The following SCLT1 variants were observed in gnomAD, a reference collection of about 807,000 sequenced individuals.
SCLT1 encodes sodium channel and clathrin linker 1.
SCLT1 carries 78 observed loss-of-function variants against 112.8 expected under a neutral mutation model. The observed-to-expected ratio is 0.69, with a 90% CI of 0.58 to 0.83. The LOEUF (loss-of-function observed/expected upper bound fraction) is 0.83, where lower values mean the gene tolerates loss of function less well. SCLT1 is among the 40% of genes least tolerant of loss of function. SCLT1 has a pLI of 0.00. For missense variants in SCLT1, 747 were observed against 770.4 expected, an observed-to-expected ratio of 0.97 and a Z score of 0.36; for synonymous variants, 257 against 254.7, an observed-to-expected ratio of 1.01 and a Z score of -0.09.
At chr4:129,051,386 T>C (rs1296042604) in intron 2 of SCLT1, among the ~76,000 whole-genome samples, 1 of 152,230 alleles carries the variant, frequency 6.6e-6, no homozygotes, top group Admixed American at 6.5e-5. Context: ...TTGGTTTGTG[T>C]CCTCTCTTAT....
At chr4:128,948,628 G>T in intron 14 of SCLT1, 58 bp from the exon 15 acceptor site, 2 of 1,240,532 alleles carry the variant, frequency 1.6e-6, no homozygotes, top group Non-Finnish European at 1.2e-6. Flanking sequence ...AAGAAAAGTG[G>T]GGAAAAATTA....
chr4:128,893,240 A>T (rs1733467281), intron 18 of SCLT1, among the ~76,000 whole-genome samples: 1 of 152,242 alleles, frequency 6.6e-6, no homozygotes, highest in Non-Finnish European at 1.5e-5. Context: ...ATGGATAGTA[A>T]TGATTTTCCA....
At chr4:128,880,207 C>T (rs991552357), downstream of SCLT1, among the ~76,000 whole-genome samples, 2 of 152,148 alleles carry the variant, frequency 1.3e-5, no homozygotes, top group African/African-American at 4.8e-5. Flanking sequence ...AGATTAAAAA[C>T]GGGTTGAATT....
At position 128,972,969 on chromosome 4, in the gene SCLT1, G is replaced by A. The variant is rs981124857; in HGVS notation, c.687-2501C>T. ...GCCAGTCAACATCTAGCCTCAAAGA[G>A]TCTCATCTCTTGCCAATTACCCCCA... On this transcript the variant is annotated intron_variant, in intron 9 of 20. Transcript: ENST00000281142. Among the ~76,000 whole-genome samples, 5 of 152,230 alleles carry A rather than the reference G, an allele frequency of 3.3e-5. No individual in the cohort carries two copies. In the East Asian group the frequency reaches 7.7e-4, roughly 24 times the overall value.
chr4:129,033,894 C>T (rs1746963342), intron 5 of SCLT1, among the ~76,000 whole-genome samples: 1 of 152,094 alleles, frequency 6.6e-6, no homozygotes, highest in South Asian at 2.1e-4. Flanking sequence ...TTAGTTCTGG[C>T]TTTTCACGAG....
intron 9 of SCLT1, among the ~76,000 whole-genome samples, 164 bp downstream of exon 9, chr4:128,992,003 T>A (rs1263364798): frequency 6.6e-6 from 1 of 151,836 alleles, no homozygotes; most frequent in Non-Finnish European, 1.5e-5. Flanking sequence ...TAATCTTGAT[T>A]TCAGTTTCTT....
At chr4:129,066,665 G>A (rs542451747) in intron 2 of SCLT1, among the ~76,000 whole-genome samples, 2 of 152,082 alleles carry the variant, frequency 1.3e-5, no homozygotes, top group East Asian at 3.9e-4. Flanking sequence ...ATACATTTTG[G>A]TATAGTAATA....
intron 6 of SCLT1, 138 bp from the exon 7 acceptor site, chr4:128,999,932 G>T: frequency 2.3e-6 from 1 of 439,430 alleles, no homozygotes; most frequent in South Asian, 9.9e-5. Context: ...TGGTATTATA[G>T]TTATATTTTT....
chr4:128,898,762 T>C (rs1021579651), intron 18 of SCLT1, among the ~76,000 whole-genome samples: 4 of 151,918 alleles, frequency 2.6e-5, no homozygotes, highest in Admixed American at 2.6e-4. Flanking sequence ...ATCAACAAAA[T>C]TGATAGACCG....
At chr4:128,888,815 T>G in intron 19 of SCLT1, 41 bp from the exon 20 acceptor site, 2 of 1,203,744 alleles carry the variant, frequency 1.7e-6, no homozygotes, top group Non-Finnish European at 2.4e-6. Flanking sequence ...AATCCATATG[T>G]GACATGGAGA....
chr4:129,089,499 A>C lies in SCLT1; in HGVS notation c.34+3571T>G, dbSNP rs538013187. Among the ~76,000 whole-genome samples the C allele has an allele frequency of 2.1e-4, 32 of 152,318 alleles. No homozygotes were observed. The South Asian group carries it at 6.6e-3, about 32-fold the overall frequency. ...AACCAGAAATACCATTTGACCCAGC[A>C]ATCCCATTACTGGGTATATACCCAA... is the stretch of plus-strand genomic sequence containing the variant. On this transcript the variant is annotated intron_variant, in intron 1 of 20. Coordinates refer to ENST00000281142, the MANE Select transcript of SCLT1 (RefSeq NM_144643.4).
intron 2 of SCLT1, among the ~76,000 whole-genome samples, chr4:129,061,535 C>T (rs188659685): frequency 7.8e-4 from 119 of 152,248 alleles, no homozygotes; most frequent in Middle Eastern, 3.4e-3. Flanking sequence ...GGTCTAAACA[C>T]CATTTTGCTA....
At chr4:129,057,409 C>CTTTTTTTTTT (rs35098310) in intron 2 of SCLT1, among the ~76,000 whole-genome samples, 1 of 132,604 alleles carries the variant, frequency 7.5e-6, no homozygotes. Flanking sequence ...TAATATTATT[C>CTTTTTTTTTT]TTTTTTTTTT....
At chr4:129,045,123 T>A (rs1049966027) in intron 2 of SCLT1, among the ~76,000 whole-genome samples, 6 of 152,072 alleles carry the variant, frequency 3.9e-5, no homozygotes, top group Non-Finnish European at 7.4e-5. Flanking sequence ...AATCCAAATG[T>A]TGTTAAAATT....
intron 11 of SCLT1, among the ~76,000 whole-genome samples, chr4:128,964,706 C>G (rs1012247197): frequency 2.6e-5 from 4 of 152,068 alleles, no homozygotes; most frequent in African/African-American, 7.2e-5. Context: ...TGCAGAAGTA[C>G]AGAATTATAG....
chr4:129,063,387 A>G (rs540075038), intron 2 of SCLT1, among the ~76,000 whole-genome samples: 3 of 152,326 alleles, frequency 2.0e-5, no homozygotes, highest in African/African-American at 4.8e-5. Flanking sequence ...GAGAATTCCT[A>G]AGACTATATG....
chr4:128,982,911 G>A (rs191246646), intron 9 of SCLT1, among the ~76,000 whole-genome samples: 4 of 150,916 alleles, frequency 2.7e-5, no homozygotes, highest in Non-Finnish European at 4.4e-5. Context: ...TGTTTGAGAC[G>A]GATTTTCACT....
At chr4:128,944,077 T>G (rs1465823194) in intron 16 of SCLT1, among the ~76,000 whole-genome samples, 2 of 152,152 alleles carry the variant, frequency 1.3e-5, no homozygotes, top group African/African-American at 4.8e-5. Context: ...GCCAGTGCTT[T>G]GGGTGAACAC....
At chr4:128,914,599 G>A (rs1249721371) in intron 18 of SCLT1, among the ~76,000 whole-genome samples, 1 of 152,030 alleles carries the variant, frequency 6.6e-6, no homozygotes. Context: ...GGAGTAGCGG[G>A]GATGAAGGCA....
Sources: gnomAD v4.1 joint callset for allele counts (sites outside exome capture counted in the v4.1 genomes callset) on GRCh38, gnomAD v4.1.1 for gene constraint, MANE v1.5 for transcripts, NCBI Gene and HGNC (gene_info 2026-07-23, HGNC 2026-07-21) for gene names.